XKR6: variants seen among roughly 807,000 people sequenced by gnomAD.
The protein encoded by XKR6 is XK related 6.
XKR6 carries 22 observed loss-of-function variants against 56.7 expected under a neutral mutation model. That is an observed-to-expected ratio of 0.39 (90% CI 0.28 to 0.55). The LOEUF (loss-of-function observed/expected upper bound fraction) is 0.55, where lower values mean the gene tolerates loss of function less well. Ranked by LOEUF, XKR6 falls within the 20% of genes least tolerant of loss-of-function variation. The pLI, the probability that XKR6 is intolerant of heterozygous loss-of-function variation, is 0.66. For synonymous variants in XKR6, 524 were observed against 387.8 expected (o/e 1.35, Z -4.13); for missense variants, 852 against 889.0 (o/e 0.96, Z 0.53).
chr8:11,114,247 G>C (rs754843652), intron 1 of XKR6, among the ~76,000 whole-genome samples: 1 of 152,210 alleles, frequency 6.6e-6, no homozygotes, highest in Non-Finnish European at 1.5e-5. Flanking sequence ...TTTGAATGGA[G>C]TGGTGCCCGT....
At chr8:11,072,820 C>A (rs955910500) in intron 1 of XKR6, among the ~76,000 whole-genome samples, 1 of 152,090 alleles carries the variant, frequency 6.6e-6, no homozygotes, top group Non-Finnish European at 1.5e-5. Flanking sequence ...GAGACCAAGG[C>A]GGGTGGATCA....
At chr8:11,118,409 T>C (rs953302246) in intron 1 of XKR6, among the ~76,000 whole-genome samples, 70 of 152,234 alleles carry the variant, frequency 4.6e-4, no homozygotes, top group African/African-American at 1.6e-3. Context: ...GTACCTCTGG[T>C]AGAATTCATC....
At chr8:11,197,463 ACT>A (rs1483964177) in intron 1 of XKR6, among the ~76,000 whole-genome samples, 2 of 152,128 alleles carry the variant, frequency 1.3e-5, no homozygotes, top group Non-Finnish European at 2.9e-5. Context: ...AAATGCTCTC[ACT>A]CTCTATTAAC....
chr8:11,068,861 T>C (rs1413820240), intron 1 of XKR6, among the ~76,000 whole-genome samples: 1 of 152,122 alleles, frequency 6.6e-6, no homozygotes, highest in Non-Finnish European at 1.5e-5. Flanking sequence ...ACTGATTTCT[T>C]CCTTCAGAAA....
At position 11,063,201 on chromosome 8, in the gene XKR6, C is replaced by CTAAATAAATAAA. The variant is rs3062751; in HGVS notation, c.764+137363_764+137374dup. On this transcript the variant is annotated intron_variant, in intron 1 of 2. Transcript: ENST00000416569. The stretch of plus-strand genomic sequence containing the variant: ...AACATAAGTGAGACCCCGTCTCTAC[C>CTAAATAAATAAA]TAAATAAATAAATAAATAAATAAGG... Among the ~76,000 whole-genome samples the CTAAATAAATAAA allele has an allele frequency of 1.3e-4, 20 of 149,942 alleles. No homozygotes were observed. In the East Asian group the frequency reaches 3.7e-3, roughly 28 times the overall value.
At position 10,924,689 on chromosome 8, in the gene XKR6, T is replaced by C. The variant is rs1303852992; in HGVS notation, c.906A>G (p.Gln302=). The change falls in exon 2 of 3, where the codon CAA becomes CAG. Residue 302 remains glutamine, a synonymous_variant. Transcript: ENST00000416569. ...LLETFLESAP[Q]LVLQLYIMLQ... ...GCATGATGTAGAGCTGTAGCACCAG[T>C]TGGGGCGCGCTCTCCAGGAAGGTCT... 6.2e-7 allele frequency: 1 copy of C among 1,613,218 alleles called. No individual in the cohort carries two copies. The highest frequency in any genetic ancestry group is 8.5e-7 in the Non-Finnish European group (1 of 1,179,934).
intron 1 of XKR6, among the ~76,000 whole-genome samples, chr8:11,187,860 A>G: frequency 6.6e-6 from 1 of 152,198 alleles, no homozygotes; most frequent in East Asian, 1.9e-4. Flanking sequence ...CCCAGGATGA[A>G]CATGTCCCAG....
chr8:11,111,611 G>T (rs1451315057), intron 1 of XKR6: 1 of 152,044 alleles, frequency 6.6e-6, no homozygotes, highest in African/African-American at 2.4e-5. Flanking sequence ...AAACTTCCTG[G>T]GAAAAATGAG....
intron 1 of XKR6, among the ~76,000 whole-genome samples, chr8:10,975,956 C>T (rs963080490): frequency 1.5e-4 from 23 of 152,162 alleles, no homozygotes; most frequent in African/African-American, 4.3e-4. Context: ...GGGCAGATCA[C>T]GAGATCAGGA....
intron 1 of XKR6, chr8:11,124,867 G>A (rs543571893): frequency 6.6e-6 from 1 of 151,672 alleles, no homozygotes; most frequent in South Asian, 2.1e-4. Context: ...GGTGAATCAT[G>A]AGCTCAGGAG....
At chr8:11,102,630 C>T (rs1397634357) in intron 1 of XKR6, among the ~76,000 whole-genome samples, 1 of 152,178 alleles carries the variant, frequency 6.6e-6, no homozygotes, top group African/African-American at 2.4e-5. Context: ...CGGAAGCCCA[C>T]CGAGGCACCA....
At chr8:11,095,546 C>T (rs1015129710) in intron 1 of XKR6, among the ~76,000 whole-genome samples, 4 of 152,208 alleles carry the variant, frequency 2.6e-5, no homozygotes, top group Non-Finnish European at 5.9e-5. Context: ...AATCTCCTTT[C>T]TTCTGGAAGC....
intron 1 of XKR6, chr8:11,126,060 GT>G (rs1211893012): frequency 2.3e-4 from 34 of 146,276 alleles, no homozygotes; most frequent in South Asian, 1.3e-3. Flanking sequence ...GGTGGTTTTT[GT>G]TTTTTTTTTT....
At chr8:10,918,940 C>T (rs1315279771) in intron 2 of XKR6, among the ~76,000 whole-genome samples, 1 of 152,204 alleles carries the variant, frequency 6.6e-6, no homozygotes, top group African/African-American at 2.4e-5. Flanking sequence ...CAGCCTCCAA[C>T]AGGTGCTCCT....
At chr8:10,967,651 T>C (rs1024716595) in intron 1 of XKR6, among the ~76,000 whole-genome samples, 6 of 152,194 alleles carry the variant, frequency 3.9e-5, no homozygotes, top group African/African-American at 1.4e-4. Flanking sequence ...GGGAGGGTTG[T>C]CCTGGAGCAG....
intron 1 of XKR6, among the ~76,000 whole-genome samples, chr8:11,088,694 G>A (rs1413525230): frequency 6.6e-6 from 1 of 152,166 alleles, no homozygotes; most frequent in African/African-American, 2.4e-5. Context: ...TCTTAACACT[G>A]ATTTCAACGT....
intron 1 of XKR6, among the ~76,000 whole-genome samples, chr8:11,020,513 A>C (rs985646360): frequency 3.3e-5 from 5 of 152,186 alleles, no homozygotes; most frequent in African/African-American, 1.2e-4. Flanking sequence ...CCCATCGAGG[A>C]AAGAAATGTG....
chr8:10,922,599 C>CA (rs1265306331), intron 2 of XKR6, among the ~76,000 whole-genome samples: 8 of 152,214 alleles, frequency 5.3e-5, no homozygotes, highest in Admixed American at 4.6e-4. Context: ...CAAACTGCTG[C>CA]ATGTTGTCCA....
intron 1 of XKR6, among the ~76,000 whole-genome samples, chr8:11,037,891 G>C (rs1205471900): frequency 2.0e-5 from 3 of 151,680 alleles, no homozygotes; most frequent in African/African-American, 7.3e-5. Flanking sequence ...GCCGGGTGTG[G>C]TGGCACACAC....
Sources: allele counts gnomAD v4.1 joint callset (sites outside exome capture counted in the v4.1 genomes callset), GRCh38; gene constraint gnomAD v4.1.1; transcripts MANE v1.5; gene names NCBI Gene and HGNC (gene_info 2026-07-23, HGNC 2026-07-21).